The following CAST variants were observed in gnomAD, a reference collection of about 807,000 sequenced individuals.
The protein encoded by CAST is calpastatin.
CAST carries 76 observed loss-of-function variants against 119.6 expected under a neutral mutation model. The ratio of observed to expected loss-of-function variants is 0.64; its 90% CI spans 0.53 to 0.77. The LOEUF (loss-of-function observed/expected upper bound fraction) is 0.77, where lower values mean the gene tolerates loss of function less well. CAST is among the 30% of genes least tolerant of loss of function. The probability of loss-of-function intolerance (pLI) is 0.00; values close to 1 mark genes in which losing one functional copy is unlikely to be tolerated. For missense variants in CAST, 953 were observed against 946.5 expected (o/e 1.01, Z -0.09); for synonymous variants, 319 against 331.6 (o/e 0.96, Z 0.41).
At chr5:96,453,147 T>C in the CAST span, among the ~76,000 whole-genome samples, 2 of 152,058 alleles carry the variant, frequency 1.3e-5, no homozygotes, top group East Asian at 1.9e-4. Flanking sequence ...TGATGAAAAG[T>C]AAATCCTTGA....
the CAST span, among the ~76,000 whole-genome samples, chr5:96,180,962 T>C: frequency 1.3e-5 from 2 of 152,258 alleles, no homozygotes; most frequent in African/African-American, 4.8e-5. Context: ...AAATGATCAA[T>C]TTATTTAAGA....
the CAST span, among the ~76,000 whole-genome samples, chr5:96,280,235 C>T: frequency 1.3e-5 from 2 of 152,158 alleles, no homozygotes. Context: ...TGGTACTCAA[C>T]GTTGTGGTTT....
the CAST span, among the ~76,000 whole-genome samples, chr5:96,191,843 C>T: frequency 1.3e-5 from 2 of 152,226 alleles, no homozygotes; most frequent in African/African-American, 4.8e-5. Context: ...GCTGGGATTA[C>T]AGGCGTGTGC....
chr5:96,745,336 T>C (rs907620505), intron 16 of CAST, among the ~76,000 whole-genome samples: 6 of 152,258 alleles, frequency 3.9e-5, no homozygotes, highest in African/African-American at 1.4e-4. Context: ...TAGTAATTAA[T>C]CAACTAACCA....
the CAST span, among the ~76,000 whole-genome samples, chr5:96,056,419 G>A: frequency 6.6e-6 from 1 of 152,114 alleles, no homozygotes; most frequent in Non-Finnish European, 1.5e-5. Context: ...GGGCTATTTA[G>A]CCCCAACTCC....
At chr5:96,675,630 T>G in intron 2 of CAST, 29 bp downstream of exon 2, 1 of 1,501,320 alleles carries the variant, frequency 6.7e-7, no homozygotes, top group Non-Finnish European at 9.2e-7. Flanking sequence ...GGCTTTCATT[T>G]TCTCTTGCTT....
At chr5:96,575,625 T>C (rs972964760) in intron 1 of CAST, among the ~76,000 whole-genome samples, 12 of 152,012 alleles carry the variant, frequency 7.9e-5, no homozygotes, top group Admixed American at 2.6e-4. Context: ...TTTTTTCAAA[T>C]GCTTTTACAA....
chr5:96,716,607 T>G (rs1431364809), intron 3 of CAST, among the ~76,000 whole-genome samples: 1 of 152,200 alleles, frequency 6.6e-6, no homozygotes, highest in East Asian at 1.9e-4. Flanking sequence ...ATAAATGTTG[T>G]GAGGAAAGGA....
the CAST span, among the ~76,000 whole-genome samples, chr5:96,147,589 C>A: frequency 6.6e-6 from 1 of 151,130 alleles, no homozygotes; most frequent in East Asian, 1.9e-4. Flanking sequence ...GGCGACAGAG[C>A]GAGACTCCGT....
At chr5:96,074,213 C>T in the CAST span, among the ~76,000 whole-genome samples, 6 of 147,456 alleles carry the variant, frequency 4.1e-5, no homozygotes, top group Non-Finnish European at 7.5e-5. Context: ...GATTCAATAT[C>T]CTTTAACAAG....
chr5:96,500,639 G>T, the CAST span, among the ~76,000 whole-genome samples: 5 of 152,172 alleles, frequency 3.3e-5, no homozygotes, highest in African/African-American at 1.2e-4. Context: ...CCAAACACAG[G>T]AAGGCTAATT....
intron 1 of CAST, among the ~76,000 whole-genome samples, chr5:96,668,989 G>A (rs1749705041): frequency 6.6e-6 from 1 of 152,144 alleles, no homozygotes; most frequent in African/African-American, 2.4e-5. Flanking sequence ...GAGGGGGTGG[G>A]GCAAAGGGAA....
At chr5:96,041,424 T>C in the CAST span, among the ~76,000 whole-genome samples, 2 of 152,106 alleles carry the variant, frequency 1.3e-5, no homozygotes, top group African/African-American at 4.8e-5. Flanking sequence ...AAGGTCTATC[T>C]GAGAACCTGT....
chr5:96,152,429 G>A, the CAST span, among the ~76,000 whole-genome samples: 2 of 152,112 alleles, frequency 1.3e-5, no homozygotes, highest in Non-Finnish European at 2.9e-5. Context: ...TCTCTACCAG[G>A]GAATGGAGCA....
chr5:96,250,798 G>A, the CAST span, among the ~76,000 whole-genome samples: 1 of 152,122 alleles, frequency 6.6e-6, no homozygotes, highest in Admixed American at 6.6e-5. Flanking sequence ...AGAAAACCCT[G>A]AAGAGTAGAA....
intron 2 of CAST, among the ~76,000 whole-genome samples, chr5:96,692,272 A>G (rs1200431040): frequency 6.6e-6 from 1 of 152,124 alleles, no homozygotes; most frequent in Non-Finnish European, 1.5e-5. Context: ...AGAGATACCA[A>G]CAAAACTAAG....
the CAST span, among the ~76,000 whole-genome samples, chr5:96,339,098 C>T: frequency 6.6e-6 from 1 of 152,082 alleles, no homozygotes; most frequent in Non-Finnish European, 1.5e-5. Flanking sequence ...GCCAGGTCTC[C>T]AGCTTTACGG....
At chr5:95,975,163 G>A in the CAST span, among the ~76,000 whole-genome samples, 1 of 152,164 alleles carries the variant, frequency 6.6e-6, no homozygotes, top group South Asian at 2.1e-4. Flanking sequence ...AAGTCAAATT[G>A]TGATGGAAAT....
chr5:96,332,336 G>A, the CAST span, among the ~76,000 whole-genome samples: 59 of 151,832 alleles, frequency 3.9e-4, no homozygotes, highest in African/African-American at 1.3e-3. Flanking sequence ...CTTGAGCAGC[G>A]TTTCCCAGAC....
Sources: allele counts gnomAD v4.1 joint callset (sites outside exome capture counted in the v4.1 genomes callset), GRCh38; gene constraint gnomAD v4.1.1; transcripts MANE v1.5; gene names NCBI Gene and HGNC (gene_info 2026-07-23, HGNC 2026-07-21).